The following USP36 variants were observed in gnomAD, a reference collection of about 807,000 sequenced individuals.
USP36 encodes the protein ubiquitin carboxyl-terminal hydrolase 36.
A neutral mutation model predicts 111.5 loss-of-function variants in USP36; 59 were observed. That is an observed-to-expected ratio of 0.53 (90% CI 0.43 to 0.66). USP36 has a LOEUF of 0.66. Among genes scored for constraint, USP36 ranks in the 30% least tolerant of loss-of-function variants. USP36 has a pLI of 0.00. For synonymous variants in USP36, 628 were observed against 581.0 expected (o/e 1.08, Z -1.16); for missense variants, 1,488 against 1,468.0 (o/e 1.01, Z -0.22).
intron 13 of USP36, among the ~76,000 whole-genome samples, chr17:78,809,584 G>A (rs1355343660): frequency 6.6e-6 from 1 of 152,038 alleles, no homozygotes. Flanking sequence ...CTCCACCCTC[G>A]GGCATCACTC....
rs764856473 is a variant in USP36 at position 78,798,460 on chromosome 17, G to A, written c.3332C>T (p.Thr1111Ile). 1.9e-6 allele frequency: 3 copies of A among 1,614,208 alleles called. No homozygotes were observed. Among genetic ancestry groups the A allele is most frequent in the South Asian group, 2.2e-5 (2 of 91,086 alleles). ...LQTRRNFWSVTHPAKAASLSY... is the reference protein window; with the variant it reads ...LQTRRNFWSVIHPAKAASLSY... ...GAGGCTGGCAGCCTTTGCTGGGTGA[G>A]TCACAGACCAGAAGTTCCGTCGAGT... Residue 1111 changes from threonine to isoleucine, a missense_variant, in exon 20 of 21, where the codon ACT becomes ATT. Thr to Ile is a moderately conservative substitution (Grantham distance 89). Transcript: ENST00000449938. This position sits in a 1 kb window ranked among gnomAD's most constrained non-coding sequence, Gnocchi z 5.1.
At chr17:78,804,437 G>A (rs2093836655) in intron 15 of USP36, among the ~76,000 whole-genome samples, 1 of 145,946 alleles carries the variant, frequency 6.9e-6, no homozygotes, top group African/African-American at 2.6e-5. Context: ...TCCAGCCTGG[G>A]CGACAAAGCA....
At chr17:78,826,215 C>G (rs2067526654) in intron 6 of USP36, among the ~76,000 whole-genome samples, 1 of 152,152 alleles carries the variant, frequency 6.6e-6, no homozygotes, top group African/African-American at 2.4e-5. Flanking sequence ...GTGAAAGTTG[C>G]CTTCATATAA....
rs574545654 is a variant in USP36 at position 78,803,451 on chromosome 17, C to T, written c.2744G>A (p.Arg915Gln). ...AAGACCTTCTGCTCCTTTCCTCCTC[C>T]GCTTCCTGCTGCTCGCGTGGTGGCC... ...TDGHHASSRK[R>Q]RRKGAEGLGE... The change falls in exon 16 of 21, where the codon CGG becomes CAG. Residue 915 changes from arginine to glutamine, a missense_variant. Arg to Gln is a conservative substitution (Grantham distance 43). Around this residue, in one of 3 missense-constraint regions of USP36, gnomAD observed 1,073 missense variants for 994.1 expected, o/e 1.08. Transcript: ENST00000449938. The surrounding 1 kb of genome is among the most constrained non-coding windows in gnomAD (Gnocchi z 4.6). 7.2e-5 allele frequency: 117 copies of T among 1,614,170 alleles called. No individual in the cohort carries two copies. The highest frequency in any genetic ancestry group is 4.1e-4 in the South Asian group (37 of 91,080).
intron 4 of USP36, among the ~76,000 whole-genome samples, chr17:78,832,150 G>A (rs554906426): frequency 2.9e-4 from 44 of 152,260 alleles, no homozygotes; most frequent in African/African-American, 1.0e-3. Flanking sequence ...GAAACAAAAG[G>A]ACAGGACTGA....
intron 7 of USP36, 143 bp from the exon 8 acceptor site, chr17:78,821,204 G>A: frequency 2.9e-6 from 2 of 696,034 alleles, no homozygotes; most frequent in South Asian, 3.8e-5. Flanking sequence ...AAGCATCCTG[G>A]TGTCCGAACA....
chr17:78,803,765 C>T lies in USP36; in HGVS notation c.2430G>A (p.Glu810=). 1 of 1,612,752 alleles carries T rather than the reference C, an allele frequency of 6.2e-7. No individual in the cohort carries two copies. Among genetic ancestry groups the T allele is most frequent in the Non-Finnish European group, 8.5e-7 (1 of 1,179,982 alleles). Residue 810 remains glutamate (E), a synonymous_variant, in exon 16 of 21, where the codon GAG becomes GAA. Transcript: ENST00000449938. This position sits in a 1 kb window ranked among gnomAD's most constrained non-coding sequence, Gnocchi z 4.6. ...EASEPPQSPS[E]KRKKTFVGEP... ...CTCCCACAAAGGTCTTTTTCCTCTT[C>T]TCAGAGGGGCTCTGGGGGGGCTCAC...
In USP36 at chr17:78,808,461, G is replaced by A. The variant is rs117738339; in HGVS notation, c.1408-825C>T. On this transcript the variant is annotated intron_variant, in intron 13 of 20. Coordinates refer to ENST00000449938, the MANE Select transcript of USP36 (RefSeq NM_001385174.1). The stretch of plus-strand genomic sequence containing the variant: ...GATGGGGATCTTGCTATGTTGCCCC[G>A]GCTAGCCTTGAATTCCTGAGCTCAA... 9.3e-3 allele frequency among the ~76,000 whole-genome samples: 1,416 copies of A among 152,152 alleles called. 47 individuals carry two copies. In the East Asian group the frequency reaches 0.12, roughly 12 times the overall value.
Position 78,810,151 on chromosome 17 carries a change from CT to C in USP36, c.1408-2516del, listed in dbSNP as rs756645192. On this transcript the variant is annotated intron_variant, in intron 13 of 20. Coordinates refer to ENST00000449938, the MANE Select transcript of USP36 (RefSeq NM_001385174.1). Reference sequence around the variant, plus strand: ...TCTTTTTTTTGTAGACAAGGTCTCACTCTGTCACCTTGCCTGGAATTCACCA... The same window carrying C: ...TCTTTTTTTTGTAGACAAGGTCTCACCTGTCACCTTGCCTGGAATTCACCA... Among the ~76,000 whole-genome samples the C allele has an allele frequency of 4.7e-3, 714 of 152,002 alleles. 28 individuals are homozygous for C. The East Asian group carries it at 0.083, about 18-fold the overall frequency.
In USP36 at chr17:78,820,008, G is replaced by A. The variant is rs2094280587; in HGVS notation, c.833C>T (p.Ala278Val). Residue 278 changes from alanine to valine, a missense_variant, in exon 9 of 21, where the codon GCT becomes GTT. Physicochemically the swap from Ala to Val is moderately conservative, Grantham distance 64. This residue lies in a region of USP36 where 196 missense variants were observed against 264.4 expected (regional missense o/e 0.74). Coordinates refer to ENST00000449938, the MANE Select transcript of USP36 (RefSeq NM_001385174.1). ...TTCCAGAGCACGCACAATATTCGCA[G>A]CTTGCTGAGGAGGACAAAAACAGGG... Reference protein sequence around the residue: ...YLDVALEIRQAANIVRALELF... With the variant: ...YLDVALEIRQVANIVRALELF... 13 of 1,614,104 alleles carry A rather than the reference G, an allele frequency of 8.1e-6. No homozygotes were observed. The highest frequency in any genetic ancestry group is 1.3e-5 in the African/African-American group (1 of 75,056).
At chr17:78,822,709 G>A (rs953606793) in intron 6 of USP36, among the ~76,000 whole-genome samples, 4 of 152,180 alleles carry the variant, frequency 2.6e-5, no homozygotes, top group Admixed American at 6.5e-5. Flanking sequence ...AGCTACTCAC[G>A]CTGGAAGGTT....
At chr17:78,793,194 G>C (rs1320684604), downstream of USP36, among the ~76,000 whole-genome samples, 1 of 152,140 alleles carries the variant, frequency 6.6e-6, no homozygotes, top group African/African-American at 2.4e-5. Flanking sequence ...TTTTAGCTTT[G>C]GTTTCCCCAT....
At chr17:78,810,454 G>C (rs2094021313) in intron 13 of USP36, among the ~76,000 whole-genome samples, 1 of 151,990 alleles carries the variant, frequency 6.6e-6, no homozygotes, top group Non-Finnish European at 1.5e-5. Flanking sequence ...AACCTGGCTA[G>C]CTTTTGCATT....
At chr17:78,815,192 C>T (rs570998602) in intron 10 of USP36, among the ~76,000 whole-genome samples, 5 of 151,344 alleles carry the variant, frequency 3.3e-5, no homozygotes, top group East Asian at 3.9e-4. Flanking sequence ...ATTAGCCAGG[C>T]GTGGTGGCAC....
intron 4 of USP36, among the ~76,000 whole-genome samples, chr17:78,833,530 C>T (rs902470124): frequency 6.6e-6 from 1 of 152,096 alleles, no homozygotes; most frequent in Non-Finnish European, 1.5e-5. Context: ...CGGAGCCTCA[C>T]GCAACTCTGT....
rs1457939258 is a variant in USP36 at position 78,798,806 on chromosome 17, C to T, written c.3240+102G>A. ...TGGGCAGCCTGGCTCTTCTCATGCT[C>T]GGCCGCTTCATGCCACTGCCGCCAC... On this transcript the variant is annotated intron_variant, in intron 19 of 20. Coordinates refer to ENST00000449938, the MANE Select transcript of USP36 (RefSeq NM_001385174.1). This position sits in a 1 kb window ranked among gnomAD's most constrained non-coding sequence, Gnocchi z 5.1. The T allele has an allele frequency of 7.7e-6, 11 of 1,424,548 alleles. No individual in the cohort carries two copies. Among genetic ancestry groups the T allele is most frequent in the East Asian group, 2.3e-5 (1 of 44,016 alleles). 88.2% of individuals were successfully genotyped at this position (1,424,548 alleles called of 1,614,324 possible).
intron 3 of USP36, 36 bp from the exon 4 acceptor site, chr17:78,835,537 G>C: frequency 5.1e-6 from 8 of 1,556,032 alleles, no homozygotes; most frequent in Non-Finnish European, 7.0e-6. Flanking sequence ...AAAAGAGGAA[G>C]ACGTAAGTCC....
intron 8 of USP36, among the ~76,000 whole-genome samples, chr17:78,820,595 C>T (rs956361111): frequency 3.9e-5 from 6 of 152,140 alleles, no homozygotes; most frequent in African/African-American, 1.4e-4. Flanking sequence ...AAAGGCAGAC[C>T]ACCCTCCCGC....
intron 13 of USP36, among the ~76,000 whole-genome samples, chr17:78,809,801 TTTTTGGAGATGGGG>T (rs944355678): frequency 6.6e-5 from 10 of 152,198 alleles, no homozygotes; most frequent in Admixed American, 6.5e-5. Flanking sequence ...TTTTGCACTT[TTTTTGGAGATGGGG>T]TTTTGGAGAT....
Sources: gnomAD v4.1 joint callset for allele counts (sites outside exome capture counted in the v4.1 genomes callset) on GRCh38, gnomAD v4.1.1 for gene constraint, gnomAD v4.1.1 regional missense constraint, Gnocchi (gnomAD v3.1) non-coding constraint, MANE v1.5 for transcripts, NCBI Gene and HGNC (gene_info 2026-07-23, HGNC 2026-07-21) for gene names.